The following HS3ST5 variants were observed in gnomAD, a reference collection of about 807,000 sequenced individuals.
HS3ST5 encodes the protein heparan sulfate-glucosamine 3-sulfotransferase 5, also known as heparan sulfate glucosamine 3-O-sulfotransferase 5.
HS3ST5 carries 10 observed loss-of-function variants against 25.4 expected under a neutral mutation model. The ratio of observed to expected loss-of-function variants is 0.39; its 90% CI spans 0.24 to 0.67. The LOEUF is 0.67. HS3ST5 is among the 30% of genes least tolerant of loss of function. The pLI is 0.44. For missense variants in HS3ST5, 324 were observed against 420.7 expected (o/e 0.77, Z 2.01); for synonymous variants, 170 against 162.4 (o/e 1.05, Z -0.36).
intron 1 of HS3ST5, among the ~76,000 whole-genome samples, chr6:114,340,173 A>G (rs1261319320): frequency 6.6e-6 from 1 of 152,192 alleles, no homozygotes; most frequent in Non-Finnish European, 1.5e-5. Context: ...ACACCTCCTC[A>G]CAAAGATGTC....
intron 3 of HS3ST5, among the ~76,000 whole-genome samples, chr6:114,079,383 T>A (rs142500259): frequency 6.6e-5 from 10 of 152,338 alleles, no homozygotes; most frequent in African/African-American, 2.4e-4. Context: ...GTTCACAGCA[T>A]CCTCACCAGG....
At chr6:114,210,605 T>C (rs1393411479) in intron 2 of HS3ST5, among the ~76,000 whole-genome samples, 1 of 152,182 alleles carries the variant, frequency 6.6e-6, no homozygotes, top group Non-Finnish European at 1.5e-5. Context: ...CTATACCCAG[T>C]TAAGGTCTGG....
At chr6:114,334,007 C>A (rs1171404106) in intron 1 of HS3ST5, among the ~76,000 whole-genome samples, 1 of 152,170 alleles carries the variant, frequency 6.6e-6, no homozygotes, top group East Asian at 1.9e-4. Flanking sequence ...TCTGCCTCTG[C>A]CCAGTTTCCC....
At chr6:114,096,145 G>A (rs1775412236) in intron 3 of HS3ST5, among the ~76,000 whole-genome samples, 1 of 152,104 alleles carries the variant, frequency 6.6e-6, no homozygotes, top group Non-Finnish European at 1.5e-5. Context: ...GAGGCTTTGT[G>A]GGTATCCAGT....
At chr6:114,249,511 C>A (rs528197713) in intron 1 of HS3ST5, among the ~76,000 whole-genome samples, 1 of 152,280 alleles carries the variant, frequency 6.6e-6, no homozygotes, top group South Asian at 2.1e-4. Context: ...AATGGATGCC[C>A]CTCCTCTTTA....
chr6:114,315,370 T>C (rs1775705856), intron 1 of HS3ST5, among the ~76,000 whole-genome samples: 1 of 152,210 alleles, frequency 6.6e-6, no homozygotes, highest in Non-Finnish European at 1.5e-5. Flanking sequence ...GTCTGATCTG[T>C]ATCCTAAACA....
At chr6:114,230,597 T>C (rs945136893) in intron 1 of HS3ST5, among the ~76,000 whole-genome samples, 400 of 25,072 alleles carry the variant, frequency 0.016, 2 homozygotes, top group Non-Finnish European at 0.03. Flanking sequence ...CTTAAGACTC[T>C]TTTTTTTTTT....
intron 1 of HS3ST5, among the ~76,000 whole-genome samples, chr6:114,274,641 T>A (rs1773772142): frequency 6.6e-6 from 1 of 152,164 alleles, no homozygotes; most frequent in Middle Eastern, 3.4e-3. Flanking sequence ...GGGAGCCATA[T>A]GGAAAGACAA....
intron 1 of HS3ST5, among the ~76,000 whole-genome samples, chr6:114,330,688 T>C (rs539929103): frequency 6.6e-6 from 1 of 152,306 alleles, no homozygotes; most frequent in East Asian, 1.9e-4. Context: ...CTCCCTTTTT[T>C]CTACCTTGGA....
chr6:114,173,009 G>A (rs1200013706), intron 2 of HS3ST5, among the ~76,000 whole-genome samples: 1 of 152,218 alleles, frequency 6.6e-6, no homozygotes, highest in Non-Finnish European at 1.5e-5. Context: ...GACTGGCAGT[G>A]AGTTCAGGTA....
chr6:114,338,631 A>G (rs957548206), intron 1 of HS3ST5, among the ~76,000 whole-genome samples: 9 of 152,090 alleles, frequency 5.9e-5, no homozygotes. Context: ...GTTAGCTACT[A>G]TGAAATGTTT....
intron 2 of HS3ST5, among the ~76,000 whole-genome samples, chr6:114,175,226 T>C (rs1241098512): frequency 6.6e-6 from 1 of 152,176 alleles, no homozygotes; most frequent in African/African-American, 2.4e-5. Context: ...AAGGGGATGT[T>C]GTGACTGGAA....
intron 1 of HS3ST5, among the ~76,000 whole-genome samples, chr6:114,252,082 C>T (rs1227669885): frequency 2.0e-5 from 3 of 152,114 alleles, no homozygotes; most frequent in African/African-American, 7.2e-5. Context: ...TTAGCCCTAA[C>T]TGGCAATTCA....
At chr6:114,122,326 A>T (rs1776831053) in intron 3 of HS3ST5, among the ~76,000 whole-genome samples, 1 of 152,104 alleles carries the variant, frequency 6.6e-6, no homozygotes. Context: ...TTCACCTATC[A>T]CACAATTTAG....
intron 2 of HS3ST5, among the ~76,000 whole-genome samples, chr6:114,190,004 A>G (rs1445121710): frequency 2.0e-5 from 3 of 152,168 alleles, no homozygotes; most frequent in Non-Finnish European, 4.4e-5. Flanking sequence ...AAGAAATGTG[A>G]TTGCCAGGAT....
intron 1 of HS3ST5, among the ~76,000 whole-genome samples, chr6:114,314,622 T>C (rs779657629): frequency 1.8e-4 from 27 of 152,248 alleles, no homozygotes; most frequent in Admixed American, 6.5e-4. Flanking sequence ...ACAGTTCTTT[T>C]GTGTGTATGC....
intron 1 of HS3ST5, among the ~76,000 whole-genome samples, chr6:114,250,187 T>G (rs1582758160): frequency 6.6e-6 from 1 of 152,184 alleles, no homozygotes; most frequent in Admixed American, 6.5e-5. Context: ...GGGAGGAAAT[T>G]GAATACAAAT....
At chr6:114,221,621 T>A (rs1457983408) in intron 2 of HS3ST5, among the ~76,000 whole-genome samples, 1 of 151,540 alleles carries the variant, frequency 6.6e-6, no homozygotes, top group Non-Finnish European at 1.5e-5. Context: ...TGGATAATTT[T>A]AAAAAGATAC....
intron 3 of HS3ST5, among the ~76,000 whole-genome samples, chr6:114,160,208 T>C: frequency 6.6e-6 from 1 of 151,820 alleles, no homozygotes; most frequent in East Asian, 1.9e-4. Context: ...TACAGGGTAC[T>C]CTTTAGAATA....
Sources: allele counts gnomAD v4.1 joint callset (sites outside exome capture counted in the v4.1 genomes callset), GRCh38; gene constraint gnomAD v4.1.1; transcripts MANE v1.5; gene names NCBI Gene and HGNC (gene_info 2026-07-23, HGNC 2026-07-21).